The following FAM193A variants were observed in gnomAD, a reference collection of about 807,000 sequenced individuals.
The protein encoded by FAM193A is family with sequence similarity 193 member A, also known as protein FAM193A.
FAM193A carries 22 observed loss-of-function variants against 126.5 expected under a neutral mutation model. The observed-to-expected ratio is 0.17, with a 90% CI of 0.12 to 0.25. The LOEUF (loss-of-function observed/expected upper bound fraction) is 0.25, where lower values mean the gene tolerates loss of function less well. FAM193A is among the 10% of genes least tolerant of loss of function. The pLI is 1.00. For missense variants in FAM193A, 1,675 were observed against 1,672.8 expected (o/e 1.00, Z -0.02); for synonymous variants, 761 against 646.8 (o/e 1.18, Z -2.68).
At chr4:2,710,415 C>T (rs1718815348) in intron 19 of FAM193A, among the ~76,000 whole-genome samples, 1 of 152,018 alleles carries the variant, frequency 6.6e-6, no homozygotes, top group African/African-American at 2.4e-5. Context: ...CCTCATGATC[C>T]ACCCGCCTTG....
At chr4:2,622,439 G>A (rs1385508271) in intron 2 of FAM193A, among the ~76,000 whole-genome samples, 1 of 152,012 alleles carries the variant, frequency 6.6e-6, no homozygotes, top group Non-Finnish European at 1.5e-5. Context: ...GGAGACTTGG[G>A]GGTCTTTGTT....
At chr4:2,581,491 C>T (rs1173316083) in intron 1 of FAM193A, among the ~76,000 whole-genome samples, 7 of 151,980 alleles carry the variant, frequency 4.6e-5, no homozygotes, top group Non-Finnish European at 8.8e-5. Context: ...TGAGCTCAGG[C>T]AATCCGCCTG....
intron 1 of FAM193A, among the ~76,000 whole-genome samples, chr4:2,590,463 C>CA (rs774897240): frequency 0.051 from 683 of 13,466 alleles, 104 homozygotes; most frequent in Admixed American, 0.14. Flanking sequence ...GACTCCATCT[C>CA]AAAAAAAAAA....
At chr4:2,588,263 C>T (rs1035966136) in intron 1 of FAM193A, among the ~76,000 whole-genome samples, 2 of 152,236 alleles carry the variant, frequency 1.3e-5, no homozygotes, top group Non-Finnish European at 2.9e-5. Context: ...TGGCCCTTTC[C>T]CTGTGTCCTG....
chr4:2,597,144 T>A (rs1201986650), intron 2 of FAM193A, among the ~76,000 whole-genome samples: 1 of 152,156 alleles, frequency 6.6e-6, no homozygotes, highest in Non-Finnish European at 1.5e-5. Flanking sequence ...AGGGCCAGTT[T>A]CTATCCTTGG....
At chr4:2,613,528 A>G (rs1300890272) in intron 2 of FAM193A, among the ~76,000 whole-genome samples, 1 of 150,988 alleles carries the variant, frequency 6.6e-6, no homozygotes, top group Non-Finnish European at 1.5e-5. Context: ...ATGTCGGCTC[A>G]CCACAACCTC....
chr4:2,638,167 G>A (rs1007998353), intron 5 of FAM193A, among the ~76,000 whole-genome samples: 2 of 152,206 alleles, frequency 1.3e-5, no homozygotes, highest in African/African-American at 4.8e-5. Flanking sequence ...TCTGATCCAG[G>A]TGCTGCATTC....
chr4:2,567,818 C>T (rs966365869), intron 1 of FAM193A, among the ~76,000 whole-genome samples: 9 of 152,244 alleles, frequency 5.9e-5, no homozygotes, highest in Admixed American at 2.6e-4. Flanking sequence ...GTGTCCCTGC[C>T]GATGAAGTCT....
At chr4:2,731,654 T>A in intron 20 of FAM193A, 121 bp from the exon 21 acceptor site, 1 of 725,778 alleles carries the variant, frequency 1.4e-6, no homozygotes, top group Middle Eastern at 3.9e-4. Flanking sequence ...TCACCGAGAA[T>A]CTAAACCCCT....
chr4:2,688,495 A>C (rs1715996939), intron 13 of FAM193A, among the ~76,000 whole-genome samples: 1 of 152,034 alleles, frequency 6.6e-6, no homozygotes, highest in South Asian at 2.1e-4. Flanking sequence ...CTTAGGGCCA[A>C]GAAGGTGAAT....
At chr4:2,619,417 T>C (rs377747446) in intron 2 of FAM193A, among the ~76,000 whole-genome samples, 1 of 151,414 alleles carries the variant, frequency 6.6e-6, no homozygotes, top group Non-Finnish European at 1.5e-5. Context: ...ATTCTCCTGC[T>C]TCAGCCTCCT....
At position 2,662,800 on chromosome 4, in the gene FAM193A, T is replaced by C. The variant is rs145961653; in HGVS notation, c.1746-38T>C. The C allele has an allele frequency of 8.7e-3, 13,613 of 1,559,684 alleles. 77 individuals are homozygous for C. The highest frequency in any genetic ancestry group is 0.011 in the Non-Finnish European group (11,969 of 1,137,114). On this transcript the variant is annotated intron_variant, in intron 10 of 20. Transcript: ENST00000637812. ...CTGGTTTACTCATTGTCTTTCACAA[T>C]TGAATGACCTCACAGTGACCATCTC...
At chr4:2,679,006 T>C (rs1714778784) in intron 13 of FAM193A, among the ~76,000 whole-genome samples, 1 of 152,182 alleles carries the variant, frequency 6.6e-6, no homozygotes, top group Non-Finnish European at 1.5e-5. Context: ...GTTCCTGTTA[T>C]TTAAGGAAAA....
At chr4:2,614,028 C>T (rs574132356) in intron 2 of FAM193A, among the ~76,000 whole-genome samples, 7 of 152,302 alleles carry the variant, frequency 4.6e-5, no homozygotes, top group East Asian at 3.9e-4. Flanking sequence ...GTGCGTCGGC[C>T]TCCCAAAGTG....
At chr4:2,542,052 G>A (rs943005924) in intron 1 of FAM193A, among the ~76,000 whole-genome samples, 3 of 150,174 alleles carry the variant, frequency 2.0e-5, no homozygotes, top group South Asian at 2.1e-4. Context: ...GTCTCACTGC[G>A]TCACCCCAGC....
intron 2 of FAM193A, among the ~76,000 whole-genome samples, chr4:2,609,508 T>G (rs1163165421): frequency 6.6e-6 from 1 of 152,212 alleles, no homozygotes; most frequent in Non-Finnish European, 1.5e-5. Flanking sequence ...TTTATTCTCA[T>G]ATATCATATT....
chr4:2,663,932 A>G (rs1339114224), intron 12 of FAM193A, among the ~76,000 whole-genome samples: 1 of 152,270 alleles, frequency 6.6e-6, no homozygotes, highest in Non-Finnish European at 1.5e-5. Flanking sequence ...GCGCCACTGC[A>G]CTTCAGCCTG....
At position 2,662,999 on chromosome 4, in the gene FAM193A, C is replaced by T. The variant is rs1237931936; in HGVS notation, c.1899+8C>T. 2.5e-6 allele frequency: 4 copies of T among 1,604,826 alleles called. No homozygotes were observed. Among genetic ancestry groups the T allele is most frequent in the Non-Finnish European group, 2.6e-6 (3 of 1,172,292 alleles). ...ATGGCCCTGAAGGATGAGGTATGGA[C>T]ATGGCTTCTTCGTAGCAACAATAAA... On this transcript the variant is annotated splice_region_variant and intron_variant, in intron 11 of 20. Coordinates refer to ENST00000637812, the MANE Select transcript of FAM193A (RefSeq NM_001366318.2).
chr4:2,543,329 T>C (rs1413548045), intron 1 of FAM193A, among the ~76,000 whole-genome samples: 1 of 151,976 alleles, frequency 6.6e-6, no homozygotes, highest in Admixed American at 6.6e-5. Context: ...CCTCGTGATG[T>C]ACCCGCCTCG....
Sources: gnomAD v4.1 joint callset for allele counts (sites outside exome capture counted in the v4.1 genomes callset) on GRCh38, gnomAD v4.1.1 for gene constraint, MANE v1.5 for transcripts, NCBI Gene and HGNC (gene_info 2026-07-23, HGNC 2026-07-21) for gene names.